Variants in PARVB observed in about 807,000 individuals in gnomAD.
PARVB encodes the protein parvin beta.
Under a neutral mutation model 47.0 loss-of-function variants are expected in PARVB, and 46 were observed. The observed-to-expected ratio is 0.98, with a 90% CI of 0.77 to 1.25. The LOEUF (loss-of-function observed/expected upper bound fraction) is 1.25. Among genes scored for constraint, PARVB ranks in the 50% most tolerant of loss-of-function variants. PARVB has a pLI of 0.00. For synonymous variants in PARVB, 196 were observed against 196.3 expected (o/e 1.00, Z 0.01); for missense variants, 473 against 471.6 (o/e 1.00, Z -0.03).
rs2054272756 is a variant in PARVB, at chr22:44,171,863, G to A, written c.*3185G>A. ...GATAAGTTCTCACTGCGTTGCCCAG[G>A]CTGGAGTGCAGTGGTCATTCACAGA... On this transcript the variant is annotated 3_prime_UTR_variant, in exon 13 of 13. Transcript: ENST00000338758. 1 of 145,670 alleles carries A rather than the reference G, an allele frequency of 6.9e-6. No homozygotes were observed. The highest frequency in any genetic ancestry group is 1.5e-5 in the Non-Finnish European group (1 of 67,478). 9.0% of individuals were successfully genotyped at this position (145,670 alleles called of 1,614,324 possible).
Position 44,079,265 on chromosome 22 carries a change from C to T in PARVB, c.113-14663C>T, listed in dbSNP as rs141782922. On this transcript the variant is annotated intron_variant, in intron 1 of 12. Coordinates refer to ENST00000338758, the MANE Select transcript of PARVB (RefSeq NM_013327.5). ...TCACCGTTTTTAGTGACTTGAATGA[C>T]GTCCATGCAGAAGAGCTAGTGCACC... is the stretch of plus-strand genomic sequence containing the variant. Among the ~76,000 whole-genome samples the T allele has an allele frequency of 1.3e-3, 196 of 152,220 alleles. 1 individual carries two copies. The highest frequency in any genetic ancestry group is 4.9e-4 in the Non-Finnish European group (33 of 68,030).
In PARVB at chr22:44,103,682, G is replaced by A. The variant is rs1212658622; in HGVS notation, c.273+3559G>A. ...CCAGGCGGGCCCAGTGTGTTCGCTA[G>A]TGTCTGTATAAGAGGGACATGGGGA... On this transcript the variant is annotated intron_variant, in intron 3 of 12. Transcript: ENST00000338758. The surrounding 1 kb of genome is among the most constrained non-coding windows in gnomAD (Gnocchi z 4.6). The A allele has an allele frequency of 6.6e-6, 1 of 152,240 alleles. No individual in the cohort carries two copies. Among genetic ancestry groups the A allele is most frequent in the African/African-American group, 2.4e-5 (1 of 41,458 alleles). The allele number at this position is 152,240 out of a possible 1,614,324, so 9.4% of individuals were successfully genotyped here.
chr22:44,129,387 C>T (rs539564116), intron 4 of PARVB, among the ~76,000 whole-genome samples: 8 of 152,314 alleles, frequency 5.3e-5, no homozygotes, highest in South Asian at 4.1e-4. Context: ...CCCAGACAAA[C>T]GAATCCAGTG....
At chr22:44,096,714 C>T (rs1569109705) in intron 2 of PARVB, among the ~76,000 whole-genome samples, 1 of 152,164 alleles carries the variant, frequency 6.6e-6, no homozygotes, top group Non-Finnish European at 1.5e-5. Context: ...TGCTCTAGAC[C>T]CTCTCAGTGA....
chr22:44,166,802 G>T (rs918489513), intron 12 of PARVB, among the ~76,000 whole-genome samples: 2 of 152,256 alleles, frequency 1.3e-5, no homozygotes, highest in African/African-American at 4.8e-5. Context: ...CTGATGCAAT[G>T]AATGAGAGAC....
At chr22:44,118,004 T>A (rs1477275028) in intron 3 of PARVB, among the ~76,000 whole-genome samples, 1 of 152,182 alleles carries the variant, frequency 6.6e-6, no homozygotes, top group East Asian at 1.9e-4. Flanking sequence ...CCTTCTGAAG[T>A]GTATCACCCG....
chr22:44,119,067 G>A lies in PARVB; in HGVS notation c.303G>A (p.Leu101=). ...TCCTCGACTGGATTAATGACGTGCT[G>A]GTGGAGGAGAGGATCATTGTGAAGC... ...KVLLDWINDV[L]VEERIIVKQL... is the part of the protein sequence containing the mutation. Residue 101 remains leucine (L), a synonymous_variant, in exon 4 of 13, where the codon CTG becomes CTA. Transcript: ENST00000338758. The A allele has an allele frequency of 6.2e-7, 1 of 1,614,082 alleles. No homozygotes were observed. Among genetic ancestry groups the A allele is most frequent in the East Asian group, 2.2e-5 (1 of 44,886 alleles).
Position 44,117,195 on chromosome 22 carries a change from C to T in PARVB, c.274-1843C>T, listed in dbSNP as rs146627215. Reference sequence around the variant, plus strand: ...TGCTTAGGGGGTCCTGGGTTAGGGACGGCGCTGGAAGTTGCAGGAGGGCAG... The same window carrying T: ...TGCTTAGGGGGTCCTGGGTTAGGGATGGCGCTGGAAGTTGCAGGAGGGCAG... On this transcript the variant is annotated intron_variant, in intron 3 of 12. Transcript: ENST00000338758. Among the ~76,000 whole-genome samples the T allele has an allele frequency of 3.2e-3, 492 of 152,106 alleles. 4 individuals carry two copies. Among genetic ancestry groups the T allele is most frequent in the Admixed American group, 0.024 (367 of 15,294 alleles).
chr22:44,014,854 ATT>A (rs34601668), intron 2 of PARVB, among the ~76,000 whole-genome samples: 25 of 147,594 alleles, frequency 1.7e-4, no homozygotes, highest in Non-Finnish European at 2.2e-4. Context: ...AGACACAACA[ATT>A]TTTTTTTTTT....
intron 1 of PARVB, among the ~76,000 whole-genome samples, chr22:44,073,682 G>C (rs369949817): frequency 6.6e-6 from 1 of 152,224 alleles, no homozygotes. Flanking sequence ...ATTTTGGGTT[G>C]TGCTTGAGCA....
At chr22:44,050,652 C>G (rs2051192696) in intron 1 of PARVB, among the ~76,000 whole-genome samples, 1 of 152,066 alleles carries the variant, frequency 6.6e-6, no homozygotes, top group African/African-American at 2.4e-5. Flanking sequence ...CTGCACTCTT[C>G]AAGTTTCTAT....
At chr22:44,083,871 G>C (rs6006642) in intron 1 of PARVB, among the ~76,000 whole-genome samples, 6,499 of 152,232 alleles carry the variant, frequency 0.043, 509 homozygotes, top group African/African-American at 0.15. Context: ...TTCTACATCA[G>C]ACAGGACTCT....
rs567445972 is a variant in PARVB at position 44,051,308 on chromosome 22, G to A, written c.112+26857G>A. ...CCCTGCAAAGCTGTTGTGTCACCCC[G>A]TCTGTTTGTAGGCGCTGGGGGGATT... On this transcript the variant is annotated intron_variant, in intron 1 of 12. Coordinates refer to ENST00000338758, the MANE Select transcript of PARVB (RefSeq NM_013327.5). Among the ~76,000 whole-genome samples the A allele has an allele frequency of 5.3e-5, 8 of 152,320 alleles. No homozygotes were observed. In the South Asian group the frequency reaches 6.2e-4, roughly 12 times the overall value.
At chr22:44,106,309 C>G (rs1601609384) in intron 3 of PARVB, 1 of 152,144 alleles carries the variant, frequency 6.6e-6, no homozygotes, top group Non-Finnish European at 1.5e-5. Context: ...ATGGTGCAGA[C>G]AAAACACCTC....
At chr22:44,081,294 C>G (rs573670676) in intron 1 of PARVB, among the ~76,000 whole-genome samples, 1 of 152,256 alleles carries the variant, frequency 6.6e-6, no homozygotes, top group African/African-American at 2.4e-5. Flanking sequence ...GGGCCTGTCT[C>G]CGAAGCAGGC....
At chr22:44,084,301 A>T (rs2051974409) in intron 1 of PARVB, among the ~76,000 whole-genome samples, 1 of 152,366 alleles carries the variant, frequency 6.6e-6, no homozygotes, top group East Asian at 1.9e-4. Flanking sequence ...GAGCTGAACT[A>T]CAAGGCCCGA....
chr22:44,155,864 G>A lies in PARVB; in HGVS notation c.844-2118G>A, dbSNP rs958372694. Among the ~76,000 whole-genome samples, 1 of 152,154 alleles carries A rather than the reference G, an allele frequency of 6.6e-6. No individual in the cohort carries two copies. Among genetic ancestry groups the A allele is most frequent in the Non-Finnish European group, 1.5e-5 (1 of 68,026 alleles). On this transcript the variant is annotated intron_variant, in intron 10 of 12. Transcript: ENST00000338758. This position sits in a 1 kb window ranked among gnomAD's most constrained non-coding sequence, Gnocchi z 4.8. ...CCATTTGCCCATCAACTGACAGCGTGTTGAATTTCCAGGCGCAGTGGCTCA... is the reference window on the plus strand; with the variant it reads ...CCATTTGCCCATCAACTGACAGCGTATTGAATTTCCAGGCGCAGTGGCTCA...
chr22:44,016,879 A>G (rs2050588831), intron 2 of PARVB, among the ~76,000 whole-genome samples: 2 of 151,682 alleles, frequency 1.3e-5, no homozygotes, highest in African/African-American at 4.8e-5. Flanking sequence ...ATTTTATTTT[A>G]TTTTATTTTT....
chr22:44,134,647 G>A (rs532928340), intron 6 of PARVB, among the ~76,000 whole-genome samples: 4 of 152,250 alleles, frequency 2.6e-5, no homozygotes, highest in South Asian at 4.1e-4. Flanking sequence ...CCTTAGAGCC[G>A]CCTTCTGTCT....
Sources: gnomAD v4.1 joint callset for allele counts (sites outside exome capture counted in the v4.1 genomes callset) on GRCh38, gnomAD v4.1.1 for gene constraint, Gnocchi (gnomAD v3.1) non-coding constraint, MANE v1.5 for transcripts, NCBI Gene and HGNC (gene_info 2026-07-23, HGNC 2026-07-21) for gene names.